Variants in TNS3 observed in about 807,000 individuals in gnomAD.
TNS3 encodes tensin 3.
Under a neutral mutation model 140.9 loss-of-function variants are expected in TNS3, and 45 were observed. The ratio of observed to expected loss-of-function variants is 0.32; its 90% CI spans 0.25 to 0.41. TNS3 has a LOEUF of 0.41. Among genes scored for constraint, TNS3 ranks in the 10% least tolerant of loss-of-function variants. The pLI is 1.00. For synonymous variants in TNS3, 815 were observed against 788.4 expected (o/e 1.03, Z -0.56); for missense variants, 1,716 against 1,906.7 (o/e 0.90, Z 1.86).
At chr7:47,481,525 CTGG>C in intron 3 of TNS3, 1 of 372,086 alleles carries the variant, frequency 2.7e-6, no homozygotes, top group Non-Finnish European at 3.7e-6. Context: ...AAGGCTCTGC[CTGG>C]TGGTCTTCAA....
intron 20 of TNS3, among the ~76,000 whole-genome samples, chr7:47,344,204 C>G (rs78859478): frequency 6.6e-6 from 1 of 152,162 alleles, no homozygotes; most frequent in Non-Finnish European, 1.5e-5. Flanking sequence ...CACAGTAACT[C>G]GCCCTAAACA....
chr7:47,408,274 T>G (rs867469006), intron 13 of TNS3, among the ~76,000 whole-genome samples: 1 of 152,130 alleles, frequency 6.6e-6, no homozygotes, highest in Non-Finnish European at 1.5e-5. Context: ...GCCTCATTTA[T>G]CAAGTGCCAA....
intron 27 of TNS3, among the ~76,000 whole-genome samples, chr7:47,291,218 G>A (rs576868164): frequency 6.6e-6 from 1 of 152,258 alleles, no homozygotes; most frequent in South Asian, 2.1e-4. Flanking sequence ...GATTTTTAGG[G>A]CAATAAAACT....
At chr7:47,422,742 T>C (rs1794441541) in intron 10 of TNS3, among the ~76,000 whole-genome samples, 1 of 152,186 alleles carries the variant, frequency 6.6e-6, no homozygotes, top group African/African-American at 2.4e-5. Flanking sequence ...AGACGACAGC[T>C]GGACTTCCTG....
chr7:47,482,606 G>T (rs1473437467), intron 3 of TNS3, among the ~76,000 whole-genome samples: 1 of 152,188 alleles, frequency 6.6e-6, no homozygotes, highest in Admixed American at 6.5e-5. Context: ...CTCAAGCATG[G>T]TATCTACTCA....
chr7:47,327,276 G>GT (rs1788076673), intron 20 of TNS3, among the ~76,000 whole-genome samples: 1 of 152,148 alleles, frequency 6.6e-6, no homozygotes, highest in African/African-American at 2.4e-5. Flanking sequence ...TTTTGTTTTT[G>GT]TTTTTTTCAA....
chr7:47,573,542 GGTGGCCCTGCCCAGGGCCTCTGCCCAC>G (rs1201168250), intron 1 of TNS3, among the ~76,000 whole-genome samples: 1 of 152,206 alleles, frequency 6.6e-6, no homozygotes, highest in Non-Finnish European at 1.5e-5. Context: ...GAACACAGCA[GGTGGCCCTGCCCAGGGCCTCTGCCCAC>G]GCTGCCCCTC....
intron 1 of TNS3, among the ~76,000 whole-genome samples, chr7:47,541,671 G>A (rs60107079): frequency 0.039 from 5,902 of 152,188 alleles, 390 homozygotes; most frequent in African/African-American, 0.13. Flanking sequence ...GACCGAGGCC[G>A]GGCGCAGTGA....
intron 1 of TNS3, among the ~76,000 whole-genome samples, chr7:47,564,571 A>T (rs1800384365): frequency 6.8e-6 from 1 of 146,248 alleles, no homozygotes; most frequent in African/African-American, 2.5e-5. Context: ...AGGACGCAGA[A>T]GTTGCAGTGA....
chr7:47,312,815 T>G (rs1787180390), intron 20 of TNS3, among the ~76,000 whole-genome samples: 1 of 152,078 alleles, frequency 6.6e-6, no homozygotes. Flanking sequence ...CACACCAACA[T>G]GGCACATGTA....
At chr7:47,514,285 T>C (rs935950764) in intron 2 of TNS3, among the ~76,000 whole-genome samples, 1 of 152,214 alleles carries the variant, frequency 6.6e-6, no homozygotes, top group Non-Finnish European at 1.5e-5. Context: ...TAGTTTTAAA[T>C]AACTACCATG....
At chr7:47,567,030 CAAAAAAAAAAAAA>C (rs541987899) in intron 1 of TNS3, among the ~76,000 whole-genome samples, 3 of 98,758 alleles carry the variant, frequency 3.0e-5, no homozygotes, top group African/African-American at 1.2e-4. Flanking sequence ...GACTCCATCT[CAAAAAAAAAAAAA>C]AAAAAAAAAA....
At chr7:47,470,398 C>A in intron 4 of TNS3, 1 of 922,390 alleles carries the variant, frequency 1.1e-6, no homozygotes, top group Non-Finnish European at 1.3e-6. Flanking sequence ...AAATATGTGA[C>A]CACTCTAGAA....
At chr7:47,413,288 G>A (rs1411357575) in intron 12 of TNS3, among the ~76,000 whole-genome samples, 2 of 109,832 alleles carry the variant, frequency 1.8e-5, no homozygotes, top group Non-Finnish European at 3.4e-5. Flanking sequence ...CTCTCGCTCT[G>A]TCACCTAGCC....
intron 17 of TNS3, among the ~76,000 whole-genome samples, chr7:47,351,975 C>A (rs901178969): frequency 2.6e-5 from 4 of 152,146 alleles, no homozygotes; most frequent in Non-Finnish European, 5.9e-5. Flanking sequence ...CACACACTTG[C>A]AGACACATGT....
chr7:47,575,670 C>A (rs1283231210), intron 1 of TNS3, among the ~76,000 whole-genome samples: 1 of 151,624 alleles, frequency 6.6e-6, no homozygotes, highest in African/African-American at 2.4e-5. Flanking sequence ...AAAAAATTAG[C>A]CGGGCAGCCA....
chr7:47,509,812 T>C (rs1798545173), intron 2 of TNS3, among the ~76,000 whole-genome samples: 1 of 152,042 alleles, frequency 6.6e-6, no homozygotes, highest in African/African-American at 2.4e-5. Context: ...GTTCCTGAGT[T>C]GACACCCTTC....
intron 4 of TNS3, among the ~76,000 whole-genome samples, chr7:47,456,854 T>C (rs958080487): frequency 6.6e-6 from 1 of 151,908 alleles, no homozygotes; most frequent in Non-Finnish European, 1.5e-5. Flanking sequence ...CCCCATTCCT[T>C]AAGGACGCTT....
In TNS3 at chr7:47,345,055, G is replaced by T; in HGVS notation, c.2452-17C>A. 1 of 1,603,332 alleles carries T rather than the reference G, an allele frequency of 6.2e-7. No homozygotes were observed. The stretch of plus-strand genomic sequence containing the variant: ...GGTCATCGTCTGAAATTGGCACAGG[G>T]AGTAGAATGTGAGAACAGGGAGTCA... On this transcript the variant is annotated splice_polypyrimidine_tract_variant and intron_variant, in intron 18 of 30. Transcript: ENST00000311160.
Sources: gnomAD v4.1 joint callset for allele counts (sites outside exome capture counted in the v4.1 genomes callset) on GRCh38, gnomAD v4.1.1 for gene constraint, MANE v1.5 for transcripts, NCBI Gene and HGNC (gene_info 2026-07-23, HGNC 2026-07-21) for gene names.